Variants in HS3ST1 observed in about 807,000 individuals in gnomAD.
HS3ST1 encodes heparan sulfate-glucosamine 3-sulfotransferase 1, also known as heparan sulfate glucosamine 3-O-sulfotransferase 1.
A neutral mutation model predicts 20.7 loss-of-function variants in HS3ST1; 8 were observed. The ratio of observed to expected loss-of-function variants is 0.39; its 90% CI spans 0.23 to 0.70. The LOEUF is 0.70. Ranked by LOEUF, HS3ST1 falls within the 30% of genes least tolerant of loss-of-function variation. The probability of loss-of-function intolerance (pLI) is 0.46; values close to 1 mark genes in which losing one functional copy is unlikely to be tolerated. For synonymous variants in HS3ST1, 205 were observed against 190.4 expected, an observed-to-expected ratio of 1.08 and a Z score of -0.63; for missense variants, 436 against 423.4, an observed-to-expected ratio of 1.03 and a Z score of -0.26.
intron 1 of HS3ST1, among the ~76,000 whole-genome samples, chr4:11,425,228 C>G (rs989866684): frequency 1.3e-5 from 2 of 152,136 alleles, no homozygotes; most frequent in African/African-American, 4.8e-5. Flanking sequence ...TGGAACAACA[C>G]CTAAAATGCA....
intron 1 of HS3ST1, among the ~76,000 whole-genome samples, chr4:11,400,405 T>A (rs970579774): frequency 6.6e-6 from 1 of 152,242 alleles, no homozygotes; most frequent in Admixed American, 6.5e-5. Context: ...CCAAGAACAC[T>A]CTATTTATGG....
chr4:11,406,013 G>A (rs1356059497), intron 1 of HS3ST1, among the ~76,000 whole-genome samples: 14 of 152,174 alleles, frequency 9.2e-5, no homozygotes, highest in Admixed American at 9.2e-4. Context: ...CACCTTCACA[G>A]CCCCTCAATG....
At chr4:11,410,537 T>C (rs1718593077) in intron 1 of HS3ST1, among the ~76,000 whole-genome samples, 1 of 152,166 alleles carries the variant, frequency 6.6e-6, no homozygotes, top group African/African-American at 2.4e-5. Context: ...GGTGCTGGTG[T>C]GGATGAGGCT....
upstream of HS3ST1, among the ~76,000 whole-genome samples, chr4:11,430,716 A>G (rs1004609062): frequency 6.6e-6 from 1 of 152,208 alleles, no homozygotes; most frequent in African/African-American, 2.4e-5. Context: ...CCCTACCACA[A>G]GACCTTGAAA....
chr4:11,423,021 CAA>C (rs71181101), intron 1 of HS3ST1, among the ~76,000 whole-genome samples: 300 of 34,302 alleles, frequency 8.7e-3, no homozygotes, highest in Admixed American at 0.023. Context: ...GAGACACCGT[CAA>C]AAAAAAAAAA....
Position 11,399,415 on chromosome 4 carries a change from G to A in HS3ST1, c.591C>T (p.His197=), listed in dbSNP as rs138931078. 6.8e-6 allele frequency: 11 copies of A among 1,613,868 alleles called. No individual in the cohort carries two copies. Among genetic ancestry groups the A allele is most frequent in the Middle Eastern group, 1.6e-4 (1 of 6,080 alleles). ...AGCGCAGCCAGTTCTGCATGTGCAC[G>A]TGGTAGAGGCTGCGGTTGAGGGCCT... is the stretch of plus-strand genomic sequence containing the variant. ...DYKALNRSLY[H]VHMQNWLRFF... is the part of the protein sequence containing the mutation. Residue 197 remains histidine, a synonymous_variant, in exon 2 of 2, where the codon CAC becomes CAT. Coordinates refer to ENST00000002596, the MANE Select transcript of HS3ST1 (RefSeq NM_005114.4). The surrounding 1 kb of genome is among the most constrained non-coding windows in gnomAD (Gnocchi z 5.1).
intron 1 of HS3ST1, among the ~76,000 whole-genome samples, chr4:11,418,406 A>G (rs1186698316): frequency 6.6e-6 from 1 of 152,212 alleles, no homozygotes; most frequent in Non-Finnish European, 1.5e-5. Context: ...TCTCACAACA[A>G]AAGTCCATAA....
intron 1 of HS3ST1, among the ~76,000 whole-genome samples, chr4:11,402,700 A>G (rs1718356956): frequency 6.6e-6 from 1 of 152,212 alleles, no homozygotes; most frequent in Admixed American, 6.5e-5. Flanking sequence ...TTCCATGTTC[A>G]GACTCAGGGA....
upstream of HS3ST1, among the ~76,000 whole-genome samples, chr4:11,431,096 T>C (rs979129380): frequency 6.6e-6 from 1 of 152,186 alleles, no homozygotes; most frequent in African/African-American, 2.4e-5. Flanking sequence ...TTGAAACATC[T>C]ATTTAGGGAT....
chr4:11,411,476 T>C (rs557264322), intron 1 of HS3ST1, among the ~76,000 whole-genome samples: 6 of 152,222 alleles, frequency 3.9e-5, no homozygotes, highest in Non-Finnish European at 8.8e-5. Context: ...TAAATTAGTA[T>C]CTCATTTGCC....
chr4:11,416,212 G>A (rs920667132), intron 1 of HS3ST1, among the ~76,000 whole-genome samples: 1 of 152,166 alleles, frequency 6.6e-6, no homozygotes, highest in African/African-American at 2.4e-5. Flanking sequence ...TCCCCTCAAA[G>A]ACTGATAATT....
chr4:11,399,247 GC>G lies in HS3ST1; in HGVS notation c.758del (p.Gly253AlafsTer59). 2 of 1,614,196 alleles carry G rather than the reference GC, an allele frequency of 1.2e-6. No homozygotes were observed. Among genetic ancestry groups the G allele is most frequent in the Non-Finnish European group, 1.7e-6 (2 of 1,180,046 alleles). ...GGCCGCTGTCCCGCAGGCAGTAAAA[GC>G]CCTTGGTTTTGTTAAAGTAGAAGTT... ...ASNFYFNKTK[G>X]FYCLRDSGRD... On this transcript the variant is annotated frameshift_variant, in exon 2 of 2. Coordinates refer to ENST00000002596, the MANE Select transcript of HS3ST1 (RefSeq NM_005114.4). LOFTEE classifies it high-confidence loss of function. This position sits in a 1 kb window ranked among gnomAD's most constrained non-coding sequence, Gnocchi z 5.1.
At chr4:11,407,841 C>G in intron 1 of HS3ST1, among the ~76,000 whole-genome samples, 1 of 152,254 alleles carries the variant, frequency 6.6e-6, no homozygotes. Flanking sequence ...CTGTATTCCT[C>G]ATAAATTCCC....
At chr4:11,426,073 G>A (rs986077039) in intron 1 of HS3ST1, among the ~76,000 whole-genome samples, 1 of 152,090 alleles carries the variant, frequency 6.6e-6, no homozygotes, top group African/African-American at 2.4e-5. Flanking sequence ...TTAGATGCAG[G>A]CCCGGAAACC....
chr4:11,415,669 G>A (rs1156867573), intron 1 of HS3ST1, among the ~76,000 whole-genome samples: 2 of 152,192 alleles, frequency 1.3e-5, no homozygotes, highest in African/African-American at 2.4e-5. Context: ...TGCAGAGACA[G>A]ATGACAAAGA....
upstream of HS3ST1, among the ~76,000 whole-genome samples, chr4:11,433,127 T>C (rs1017797634): frequency 9.2e-5 from 14 of 152,200 alleles, no homozygotes; most frequent in African/African-American, 3.1e-4. Flanking sequence ...TAAAGGTGAG[T>C]ATATTTTCTT....
At chr4:11,431,510 A>G (rs1049676808), upstream of HS3ST1, among the ~76,000 whole-genome samples, 1 of 152,212 alleles carries the variant, frequency 6.6e-6, no homozygotes, top group African/African-American at 2.4e-5. Flanking sequence ...GTATGTGTAC[A>G]ACACTATGCC....
intron 1 of HS3ST1, among the ~76,000 whole-genome samples, chr4:11,409,842 G>A (rs998053647): frequency 3.9e-5 from 6 of 152,196 alleles, no homozygotes; most frequent in Non-Finnish European, 4.4e-5. Flanking sequence ...GCTGGCTGAT[G>A]GGAGACGGTG....
intron 1 of HS3ST1, among the ~76,000 whole-genome samples, chr4:11,417,880 G>C (rs1258629214): frequency 6.6e-6 from 1 of 152,214 alleles, no homozygotes; most frequent in Non-Finnish European, 1.5e-5. Context: ...ACAAACAGAA[G>C]TGTAATTGTT....
Sources: gnomAD v4.1 joint callset for allele counts (sites outside exome capture counted in the v4.1 genomes callset) on GRCh38, gnomAD v4.1.1 for gene constraint, Gnocchi (gnomAD v3.1) non-coding constraint, MANE v1.5 for transcripts, NCBI Gene and HGNC (gene_info 2026-07-23, HGNC 2026-07-21) for gene names.